Variants in KIDINS220 observed in about 807,000 individuals in gnomAD.
KIDINS220 encodes the protein kinase D-interacting substrate of 220 kDa.
In KIDINS220, 63 loss-of-function variants were observed where a neutral mutation model predicts 157.6. The observed-to-expected ratio is 0.40, with a 90% CI of 0.33 to 0.49. The LOEUF (loss-of-function observed/expected upper bound fraction) is 0.49. Ranked by LOEUF, KIDINS220 falls within the 20% of genes least tolerant of loss-of-function variation. The pLI is 0.66. For synonymous variants in KIDINS220, 732 were observed against 783.6 expected, an observed-to-expected ratio of 0.93 and a Z score of 1.10; for missense variants, 1,772 against 2,171.2, an observed-to-expected ratio of 0.82 and a Z score of 3.65.
intron 7 of KIDINS220, among the ~76,000 whole-genome samples, chr2:8,804,286 T>C (rs945155782): frequency 1.3e-5 from 2 of 152,352 alleles, no homozygotes; most frequent in African/African-American, 4.8e-5. Flanking sequence ...TGACCCAAGA[T>C]CTGGTACTGT....
At chr2:8,744,391 ATATATATATAATATATATATATAT>A (rs1666215820) in intron 26 of KIDINS220, among the ~76,000 whole-genome samples, 3 of 27,292 alleles carry the variant, frequency 1.1e-4, no homozygotes, top group East Asian at 2.0e-3. Flanking sequence ...AAAAAAAAAT[ATATATATATAATATATATATATAT>A]ATATATATAT....
intron 22 of KIDINS220, among the ~76,000 whole-genome samples, chr2:8,769,131 C>G (rs941917718): frequency 6.6e-6 from 1 of 152,174 alleles, no homozygotes; most frequent in Non-Finnish European, 1.5e-5. Context: ...ATCCCTCATT[C>G]TATCCCCACC....
chr2:8,790,768 G>A (rs1488361885), intron 13 of KIDINS220, among the ~76,000 whole-genome samples: 2 of 152,160 alleles, frequency 1.3e-5, no homozygotes, highest in Non-Finnish European at 2.9e-5. Flanking sequence ...TGAAGCTGGG[G>A]CACATGCCAG....
intron 7 of KIDINS220, among the ~76,000 whole-genome samples, chr2:8,805,140 G>T (rs1442097045): frequency 6.6e-6 from 1 of 152,178 alleles, no homozygotes; most frequent in African/African-American, 2.4e-5. Flanking sequence ...GTCTGAAAGG[G>T]TCCTGAGCAC....
intron 28 of KIDINS220, among the ~76,000 whole-genome samples, chr2:8,734,018 G>A (rs1664512152): frequency 6.6e-6 from 1 of 152,200 alleles, no homozygotes; most frequent in Admixed American, 6.5e-5. Context: ...GGTAGGTCCA[G>A]ATTTTATTCA....
rs754298051 is a variant in KIDINS220 at position 8,751,562 on chromosome 2, A to G, written c.3094T>C (p.Leu1032=). Residue 1032 remains leucine, a synonymous_variant, in exon 23 of 30, where the codon TTG becomes CTG. Transcript: ENST00000256707. ...DGDIRNFEVF[L]SSRTPVLVAR... ...ACAAGAACTGGGGTCCTTGAAGACAAAAACACTTCAAAATTTCTTATATCT... is the reference window on the plus strand; with the variant it reads ...ACAAGAACTGGGGTCCTTGAAGACAGAAACACTTCAAAATTTCTTATATCT... 3.1e-6 allele frequency: 5 copies of G among 1,613,438 alleles called. No homozygotes were observed. In the South Asian group the frequency reaches 5.5e-5, roughly 18 times the overall value.
At chr2:8,734,183 C>T (rs1214960541) in intron 28 of KIDINS220, among the ~76,000 whole-genome samples, 2 of 150,600 alleles carry the variant, frequency 1.3e-5, no homozygotes, top group Admixed American at 6.6e-5. Flanking sequence ...ACTCTTGGTA[C>T]GCCGATGGCC....
chr2:8,798,318 A>C lies in KIDINS220; in HGVS notation c.901-18T>G, dbSNP rs770653090. The C allele has an allele frequency of 7.6e-6, 10 of 1,323,850 alleles. No individual in the cohort carries two copies. The highest frequency in any genetic ancestry group is 1.1e-5 in the Non-Finnish European group (10 of 918,152). The allele number at this position is 1,323,850 out of a possible 1,614,324, so 82.0% of individuals were successfully genotyped here. A position where few individuals can be genotyped will look rare whatever the true frequency, so the allele number is the denominator to read the frequency against. The stretch of plus-strand genomic sequence containing the variant: ...TTATTATCCTAGATAATTAAAAAAA[A>C]CACAATCACTTCATGTAAGATACAA... On this transcript the variant is annotated intron_variant, in intron 9 of 29. Coordinates refer to ENST00000256707, the MANE Select transcript of KIDINS220 (RefSeq NM_020738.4).
At chr2:8,795,089 T>C (rs534343528) in intron 11 of KIDINS220, among the ~76,000 whole-genome samples, 1 of 152,328 alleles carries the variant, frequency 6.6e-6, no homozygotes, top group South Asian at 2.1e-4. Flanking sequence ...TAAGAGTCCA[T>C]TTTGACTTCA....
At chr2:8,733,245 T>A (rs940980089) in intron 29 of KIDINS220, among the ~76,000 whole-genome samples, 199 bp downstream of exon 29, 3 of 152,210 alleles carry the variant, frequency 2.0e-5, no homozygotes, top group Admixed American at 1.3e-4. Flanking sequence ...CATGAGCTAC[T>A]TTTTTGTTTG....
intron 1 of KIDINS220, among the ~76,000 whole-genome samples, chr2:8,830,216 C>G (rs1032260844): frequency 6.6e-6 from 1 of 152,206 alleles, no homozygotes; most frequent in Non-Finnish European, 1.5e-5. Flanking sequence ...CTAATTTAAA[C>G]TAGCTTAAGC....
At chr2:8,763,712 C>T (rs775498710) in intron 22 of KIDINS220, among the ~76,000 whole-genome samples, 1 of 152,150 alleles carries the variant, frequency 6.6e-6, no homozygotes, top group Non-Finnish European at 1.5e-5. Context: ...CAACAAGTCT[C>T]TAAGAAGAAA....
Position 8,785,774 on chromosome 2 carries a change from T to C in KIDINS220, c.2196A>G (p.Lys732=). ...QRKRLHNAAS[K]LHKLKSEGFM... is the part of the protein sequence containing the mutation. Reference sequence around the variant, plus strand: ...ATCCTTCACTTTTCAATTTGTGCAGTTTGGAGGCTGCATTATGGAGGCGTT... The same window carrying C: ...ATCCTTCACTTTTCAATTTGTGCAGCTTGGAGGCTGCATTATGGAGGCGTT... The change falls in exon 17 of 30, where the codon AAA becomes AAG. Residue 732 remains lysine (K), a synonymous_variant. Coordinates refer to ENST00000256707, the MANE Select transcript of KIDINS220 (RefSeq NM_020738.4). The C allele has an allele frequency of 6.2e-7, 1 of 1,613,230 alleles. No individual in the cohort carries two copies. The highest frequency in any genetic ancestry group is 8.5e-7 in the Non-Finnish European group (1 of 1,179,814).
intron 12 of KIDINS220, among the ~76,000 whole-genome samples, chr2:8,793,472 G>A (rs1377190492): frequency 6.6e-6 from 1 of 152,142 alleles, no homozygotes; most frequent in African/African-American, 2.4e-5. Context: ...CTCCAGCCTG[G>A]GCAACAGAGT....
Position 8,747,802 on chromosome 2 carries a change from A to G in KIDINS220, c.3528+85T>C, listed in dbSNP as rs545415754. ...TGTATAAAATCAGTTGCACTCTTTTACTATGTAAAGGAAATAACCAAACCT... is the reference window on the plus strand; with the variant it reads ...TGTATAAAATCAGTTGCACTCTTTTGCTATGTAAAGGAAATAACCAAACCT... On this transcript the variant is annotated intron_variant, in intron 25 of 29. Transcript: ENST00000256707. 27 of 707,130 alleles carry G rather than the reference A, an allele frequency of 3.8e-5. No homozygotes were observed. In the South Asian group the frequency reaches 7.7e-4, roughly 20 times the overall value. 43.8% of individuals were successfully genotyped at this position (707,130 alleles called of 1,614,324 possible).
intron 7 of KIDINS220, among the ~76,000 whole-genome samples, chr2:8,805,972 T>C (rs935557050): frequency 1.3e-5 from 2 of 152,180 alleles, no homozygotes; most frequent in African/African-American, 4.8e-5. Flanking sequence ...AACGTATCCC[T>C]GTCATTAAGC....
In KIDINS220 at chr2:8,747,346, T is replaced by G; in HGVS notation, c.3529-145A>C. On this transcript the variant is annotated intron_variant, in intron 25 of 29. Transcript: ENST00000256707. ...TGCCTCCTGATTTATAAAAACATAT[T>G]AATAGAGAGTTTCTTTTTTTAAACT... is the stretch of plus-strand genomic sequence containing the variant. The G allele has an allele frequency of 6.0e-6, 4 of 667,868 alleles. No individual in the cohort carries two copies. In the South Asian group the frequency reaches 7.6e-5, roughly 13 times the overall value. 41.4% of individuals were successfully genotyped at this position (667,868 alleles called of 1,614,324 possible).
intron 26 of KIDINS220, among the ~76,000 whole-genome samples, chr2:8,744,377 AAAAAAAAAAAAATATATATATATAAT>A (rs1277654951): frequency 0.023 from 490 of 21,474 alleles, 43 homozygotes; most frequent in African/African-American, 0.07. Context: ...AAAAAAAAAA[AAAAAAAAAAAAATATATATATATAAT>A]ATATATATAT....
chr2:8,733,610 C>G lies in KIDINS220; in HGVS notation c.3887G>C (p.Ser1296Thr). 2.5e-6 allele frequency: 4 copies of G among 1,613,264 alleles called. No homozygotes were observed. In the African/African-American group the frequency reaches 4.0e-5, roughly 16 times the overall value. Residue 1296 changes from serine to threonine, a missense_variant, in exon 29 of 30, where the codon AGT becomes ACT. By Grantham distance (58) the Ser-to-Thr change is moderately conservative. Around this residue, in one of 3 missense-constraint regions of KIDINS220, gnomAD observed 793 missense variants for 885.5 expected, o/e 0.90. Transcript: ENST00000256707. ...AGGCTCACCGTGCGGGGCTGGGCCA[C>G]TGCTGCTCTCACTGAGGAAACGTGG... is the stretch of plus-strand genomic sequence containing the variant. ...EDPRFLSESS[S>T]GPAPHGEPAR...
Sources: gnomAD v4.1 joint callset for allele counts (sites outside exome capture counted in the v4.1 genomes callset) on GRCh38, gnomAD v4.1.1 for gene constraint, gnomAD v4.1.1 regional missense constraint, MANE v1.5 for transcripts, NCBI Gene and HGNC (gene_info 2026-07-23, HGNC 2026-07-21) for gene names.